CRCP: variants seen among roughly 807,000 people sequenced by gnomAD.
The protein encoded by CRCP is DNA-directed RNA polymerase III subunit RPC9.
A neutral mutation model predicts 18.5 loss-of-function variants in CRCP; 18 were observed. The ratio of observed to expected loss-of-function variants is 0.97; its 90% CI spans 0.67 to 1.44. The LOEUF is 1.44. CRCP is among the 40% of genes most tolerant of loss of function. The probability of loss-of-function intolerance (pLI) is 0.00; values close to 1 mark genes in which losing one functional copy is unlikely to be tolerated. For synonymous variants in CRCP, 53 were observed against 62.9 expected (o/e 0.84, Z 0.75); for missense variants, 130 against 176.4 (o/e 0.74, Z 1.49).
intron 5 of CRCP, chr7:66,150,532 C>T (rs921757785): frequency 6.6e-6 from 1 of 151,864 alleles, no homozygotes; most frequent in Non-Finnish European, 1.5e-5. Context: ...TGCAGAAACA[C>T]TTTTGGGCTG....
Position 66,152,342 on chromosome 7 carries a change from A to G in CRCP, c.432A>G (p.Glu144=). ...KNTNSNVAMD[E]EDPA is the part of the protein sequence containing the mutation. Reference sequence around the variant, plus strand: ...CAAACAGCAATGTGGCAATGGACGAAGAGGACCCAGCATAGAAGAGCACAG... The same window carrying G: ...CAAACAGCAATGTGGCAATGGACGAGGAGGACCCAGCATAGAAGAGCACAG... Residue 144 remains glutamate, a synonymous_variant, in exon 6 of 6, where the codon GAA becomes GAG. Coordinates refer to ENST00000395326, the MANE Select transcript of CRCP (RefSeq NM_014478.5). The G allele has an allele frequency of 6.2e-7, 1 of 1,614,074 alleles. No homozygotes were observed. Among genetic ancestry groups the G allele is most frequent in the East Asian group, 2.2e-5 (1 of 44,878 alleles).
intron 4 of CRCP, among the ~76,000 whole-genome samples, chr7:66,144,965 A>AT (rs1228375414): frequency 1.3e-5 from 2 of 152,136 alleles, no homozygotes; most frequent in Non-Finnish European, 2.9e-5. Flanking sequence ...CCAGGCCAAC[A>AT]TGATGAAACC....
chr7:66,138,632 A>T (rs1399297636), intron 4 of CRCP, among the ~76,000 whole-genome samples: 2 of 149,626 alleles, frequency 1.3e-5, no homozygotes, highest in Non-Finnish European at 3.0e-5. Flanking sequence ...AAAAAAAAAA[A>T]AAAAAAAAAA....
chr7:66,116,220 C>T (rs313824), intron 1 of CRCP, among the ~76,000 whole-genome samples: 15,835 of 152,012 alleles, frequency 0.1, 1,004 homozygotes, highest in South Asian at 0.2. Context: ...TGGGGCCAAC[C>T]GTGGTGGCTC....
rs149788397 is a variant in CRCP, at chr7:66,118,040, C to T, written c.8+3070C>T. ...TGTCACCCAGGCTGTAGTACAGTGG[C>T]GCAATGTCAGCTCACTGCAACCTGT... On this transcript the variant is annotated intron_variant, in intron 1 of 5. Transcript: ENST00000395326. Among the ~76,000 whole-genome samples, 7 of 152,304 alleles carry T rather than the reference C, an allele frequency of 4.6e-5. No individual in the cohort carries two copies. In the East Asian group the frequency reaches 1.2e-3, roughly 25 times the overall value.
At chr7:66,116,121 C>G (rs1787253878) in intron 1 of CRCP, among the ~76,000 whole-genome samples, 1 of 151,910 alleles carries the variant, frequency 6.6e-6, no homozygotes, top group Admixed American at 6.6e-5. Context: ...TTTTTAAACA[C>G]AATATGTCTG....
At chr7:66,139,930 G>T (rs1788083705) in intron 4 of CRCP, among the ~76,000 whole-genome samples, 1 of 152,184 alleles carries the variant, frequency 6.6e-6, no homozygotes, top group African/African-American at 2.4e-5. Context: ...CCCCTTTTGG[G>T]TCCTGTAGCC....
Position 66,114,886 on chromosome 7 carries a change from G to A in CRCP, c.-77G>A, listed in dbSNP as rs757896906. The A allele has an allele frequency of 6.2e-7, 1 of 1,608,944 alleles. No homozygotes were observed. On this transcript the variant is annotated 5_prime_UTR_variant, in exon 1 of 6. Coordinates refer to ENST00000395326, the MANE Select transcript of CRCP (RefSeq NM_014478.5). ...CGCGCGGAGCTGGCACCTTGGCGCT[G>A]TTGGTGGCGGCGGAGACAGCTGTGA...
chr7:66,134,180 A>T (rs1787898563), intron 3 of CRCP, 100 bp from the exon 4 acceptor site: 1 of 995,948 alleles, frequency 1.0e-6, no homozygotes, highest in African/African-American at 1.6e-5. Flanking sequence ...TTTTACAAAC[A>T]AAATTTTAGA....
Position 66,134,288 on chromosome 7 carries a change from A to G in CRCP, c.153A>G (p.Lys51=), listed in dbSNP as rs1331874707. The G allele has an allele frequency of 6.3e-7, 1 of 1,595,650 alleles. No individual in the cohort carries two copies. Among genetic ancestry groups the G allele is most frequent in the Non-Finnish European group, 8.5e-7 (1 of 1,174,692 alleles). The change falls in exon 4 of 6, where the codon AAA becomes AAG. Residue 51 remains lysine (K), a synonymous_variant. Transcript: ENST00000395326. Reference sequence around the variant, plus strand: ...TTTTTTTTTTTTGCCAGACGTTAAAATACATATCAAAAACACCATGCAGGC... The same window carrying G: ...TTTTTTTTTTTTGCCAGACGTTAAAGTACATATCAAAAACACCATGCAGGC... The part of the protein sequence containing the change: ...NLNTITYETL[K]YISKTPCRHQ...
chr7:66,142,012 G>A (rs1312947656), intron 4 of CRCP, among the ~76,000 whole-genome samples: 1 of 152,136 alleles, frequency 6.6e-6, no homozygotes, highest in Non-Finnish European at 1.5e-5. Context: ...GAGCGGTTGT[G>A]AATGTCTTTG....
At position 66,132,984 on chromosome 7, in the gene CRCP, C is replaced by T. The variant is rs769134650; in HGVS notation, c.145-1296C>T. ...AGCCCATATTCAAGGGGAAGCGGGGCGGGGGGATTAAGCTTCACCTCTTGA... is the reference window on the plus strand; with the variant it reads ...AGCCCATATTCAAGGGGAAGCGGGGTGGGGGGATTAAGCTTCACCTCTTGA... On this transcript the variant is annotated intron_variant, in intron 3 of 5. Transcript: ENST00000395326. Among the ~76,000 whole-genome samples, 11 of 151,870 alleles carry T rather than the reference C, an allele frequency of 7.2e-5. No individual in the cohort carries two copies. The South Asian group carries it at 1.0e-3, about 14-fold the overall frequency.
At position 66,154,349 on chromosome 7, in the gene CRCP, G is replaced by T. The variant is rs1026796402; in HGVS notation, c.*1992G>T. ...GTACCACTATACCCTGCTAAAATTT[G>T]TATTTTTAGTAGAGACAGGGTTTTG... is the stretch of plus-strand genomic sequence containing the variant. On this transcript the variant is annotated 3_prime_UTR_variant, in exon 6 of 6. Coordinates refer to ENST00000395326, the MANE Select transcript of CRCP (RefSeq NM_014478.5). The T allele has an allele frequency of 1.1e-4, 16 of 151,794 alleles. No individual in the cohort carries two copies. The highest frequency in any genetic ancestry group is 2.1e-4 in the Non-Finnish European group (14 of 67,988). 9.4% of individuals were successfully genotyped at this position (151,794 alleles called of 1,614,324 possible).
At chr7:66,119,898 T>C (rs913491223) in intron 1 of CRCP, among the ~76,000 whole-genome samples, 21 of 152,186 alleles carry the variant, frequency 1.4e-4, no homozygotes, top group African/African-American at 4.6e-4. Flanking sequence ...TCTTAAAATT[T>C]TTTTTTGCAG....
At chr7:66,151,445 T>G (rs1788455363) in intron 5 of CRCP, among the ~76,000 whole-genome samples, 1 of 152,070 alleles carries the variant, frequency 6.6e-6, no homozygotes, top group Admixed American at 6.6e-5. Flanking sequence ...GGCTCGTGCC[T>G]GTAGTCCCAG....
At chr7:66,145,855 C>T (rs542519742) in intron 5 of CRCP, among the ~76,000 whole-genome samples, 6 of 152,342 alleles carry the variant, frequency 3.9e-5, no homozygotes, top group Admixed American at 1.3e-4. Context: ...TCTGTCCCCA[C>T]GCCCACCCTT....
At chr7:66,127,252 A>G (rs1489180580) in intron 1 of CRCP, among the ~76,000 whole-genome samples, 7 of 152,236 alleles carry the variant, frequency 4.6e-5, no homozygotes, top group Non-Finnish European at 7.3e-5. Context: ...TACACAGGGA[A>G]CCAGGCTTTT....
chr7:66,119,292 T>C (rs962494442), intron 1 of CRCP, among the ~76,000 whole-genome samples: 2 of 152,184 alleles, frequency 1.3e-5, no homozygotes, highest in Non-Finnish European at 2.9e-5. Flanking sequence ...GGGGAGGGCA[T>C]AGAGCTCTGC....
intron 4 of CRCP, among the ~76,000 whole-genome samples, chr7:66,135,315 C>CT (rs1208639778): frequency 6.6e-6 from 1 of 152,056 alleles, no homozygotes; most frequent in Non-Finnish European, 1.5e-5. Context: ...TAATTCTTCT[C>CT]TAATTATTGA....
Sources: allele counts gnomAD v4.1 joint callset (sites outside exome capture counted in the v4.1 genomes callset), GRCh38; gene constraint gnomAD v4.1.1; transcripts MANE v1.5; gene names NCBI Gene and HGNC (gene_info 2026-07-23, HGNC 2026-07-21).